The following GMDS variants were observed in gnomAD, a reference collection of about 807,000 sequenced individuals.
GMDS encodes GDP-mannose 4,6 dehydratase.
In GMDS, 20 loss-of-function variants were observed where a neutral mutation model predicts 49.9. The observed-to-expected ratio is 0.40, with a 90% confidence interval of 0.28 to 0.58. The LOEUF (loss-of-function observed/expected upper bound fraction) is 0.58. Ranked by LOEUF, GMDS falls within the 20% of genes least tolerant of loss-of-function variation. The pLI is 0.42. For synonymous variants in GMDS, 177 were observed against 178.6 expected (o/e 0.99, Z 0.07); for missense variants, 362 against 481.4 (o/e 0.75, Z 2.32).
chr6:1,802,954 A>G (rs1322524401), intron 7 of GMDS, among the ~76,000 whole-genome samples: 1 of 152,232 alleles, frequency 6.6e-6, no homozygotes, highest in Non-Finnish European at 1.5e-5. Context: ...AACTGTGCTG[A>G]TCGGAGACTG....
At chr6:2,158,048 C>A (rs1410947788) in intron 1 of GMDS, among the ~76,000 whole-genome samples, 3 of 152,116 alleles carry the variant, frequency 2.0e-5, no homozygotes, top group Admixed American at 2.0e-4. Context: ...CCCCCAAAAC[C>A]ACATCAATAC....
At chr6:2,008,134 T>C (rs1187205117) in intron 4 of GMDS, among the ~76,000 whole-genome samples, 2 of 152,216 alleles carry the variant, frequency 1.3e-5, no homozygotes, top group Non-Finnish European at 2.9e-5. Context: ...CAAAATACTT[T>C]AGAAATAAAA....
intron 1 of GMDS, among the ~76,000 whole-genome samples, chr6:2,158,589 C>T (rs1294870470): frequency 3.3e-5 from 5 of 152,174 alleles, no homozygotes; most frequent in Admixed American, 3.3e-4. Context: ...CAGTAAGAAT[C>T]ACAAATCAAA....
chr6:1,981,792 G>T (rs567245174), intron 4 of GMDS, among the ~76,000 whole-genome samples: 2 of 152,100 alleles, frequency 1.3e-5, no homozygotes, highest in Non-Finnish European at 2.9e-5. Context: ...CTGGCAAACC[G>T]AATCTGGCAG....
chr6:1,853,381 G>A (rs1164221705), intron 7 of GMDS, among the ~76,000 whole-genome samples: 2 of 150,436 alleles, frequency 1.3e-5, no homozygotes, highest in African/African-American at 2.5e-5. Flanking sequence ...AGCCGGGCGT[G>A]GTAGCGGGCG....
At chr6:1,868,201 G>A (rs549821975) in intron 7 of GMDS, among the ~76,000 whole-genome samples, 1 of 152,078 alleles carries the variant, frequency 6.6e-6, no homozygotes, top group African/African-American at 2.4e-5. Flanking sequence ...TGGCCAGGCT[G>A]GTCTCGAACT....
intron 6 of GMDS, among the ~76,000 whole-genome samples, chr6:1,955,011 T>A (rs1309928738): frequency 6.6e-6 from 1 of 151,874 alleles, no homozygotes; most frequent in Non-Finnish European, 1.5e-5. Context: ...GTAACAGATA[T>A]AATAATAATC....
rs1451357734 is a variant in GMDS at position 1,735,069 on chromosome 6, G to C, written c.890+7399C>G. Reference sequence around the variant, plus strand: ...CATATTAGCCACCCCCAGTGGATAAGGATGGAGCTTCTGCTGTGTGGGGGA... The same window carrying C: ...CATATTAGCCACCCCCAGTGGATAACGATGGAGCTTCTGCTGTGTGGGGGA... On this transcript the variant is annotated intron_variant, in intron 8 of 10. Transcript: ENST00000380815. 5.3e-5 allele frequency among the ~76,000 whole-genome samples: 8 copies of C among 152,338 alleles called. 1 individual carries two copies. The highest frequency in any genetic ancestry group is 5.2e-4 in the Admixed American group (8 of 15,308).
intron 7 of GMDS, among the ~76,000 whole-genome samples, chr6:1,786,799 G>GTT (rs35301662): frequency 0.016 from 2,363 of 149,392 alleles, 57 homozygotes; most frequent in African/African-American, 0.053. Context: ...GTAATTTGTG[G>GTT]TTTTTTTTTT....
At chr6:2,056,783 A>G (rs546336702) in intron 4 of GMDS, among the ~76,000 whole-genome samples, 18 of 152,278 alleles carry the variant, frequency 1.2e-4, no homozygotes, top group Non-Finnish European at 2.2e-4. Context: ...TTTTTTTTCC[A>G]TTGGTATACT....
chr6:2,150,034 C>A (rs1776769949), intron 1 of GMDS, among the ~76,000 whole-genome samples: 1 of 152,194 alleles, frequency 6.6e-6, no homozygotes, highest in South Asian at 2.1e-4. Flanking sequence ...TAACAATATG[C>A]TCAAGGCAAA....
chr6:1,645,302 C>T (rs1320105956), intron 9 of GMDS, among the ~76,000 whole-genome samples: 1 of 152,224 alleles, frequency 6.6e-6, no homozygotes, highest in Non-Finnish European at 1.5e-5. Context: ...CCCCCATGGG[C>T]AGAGAATCTA....
At chr6:2,226,499 C>T (rs1234928634) in intron 1 of GMDS, among the ~76,000 whole-genome samples, 1 of 152,056 alleles carries the variant, frequency 6.6e-6, no homozygotes. Context: ...ATATCATTAA[C>T]AAAAGTTAAT....
intron 9 of GMDS, 42 bp from the exon 10 acceptor site, chr6:1,624,582 G>A: frequency 7.0e-7 from 1 of 1,426,098 alleles, no homozygotes. Context: ...GTGGGTCGTG[G>A]GGGTGGGGGC....
intron 9 of GMDS, among the ~76,000 whole-genome samples, chr6:1,675,719 G>C (rs1339188571): frequency 6.6e-6 from 1 of 152,042 alleles, no homozygotes; most frequent in Non-Finnish European, 1.5e-5. Flanking sequence ...CGGGTGTGAT[G>C]GCAGGTGCCT....
chr6:2,208,374 T>C (rs1050426465), intron 1 of GMDS, among the ~76,000 whole-genome samples: 1 of 152,218 alleles, frequency 6.6e-6, no homozygotes, highest in African/African-American at 2.4e-5. Context: ...GTTTTACAGA[T>C]GACACAATTG....
intron 9 of GMDS, among the ~76,000 whole-genome samples, chr6:1,654,751 C>G (rs1219071034): frequency 6.6e-6 from 1 of 152,066 alleles, no homozygotes; most frequent in Non-Finnish European, 1.5e-5. Flanking sequence ...TTTATGTGTA[C>G]TTTACCATTA....
At chr6:1,724,712 T>C (rs1051878537) in intron 9 of GMDS, among the ~76,000 whole-genome samples, 1 of 151,878 alleles carries the variant, frequency 6.6e-6, no homozygotes, top group African/African-American at 2.4e-5. Flanking sequence ...GGCCAGAGAG[T>C]CAAATGGCAG....
In GMDS at chr6:1,990,123, C is replaced by T. The variant is rs139907430; in HGVS notation, c.346-29157G>A. Among the ~76,000 whole-genome samples the T allele has an allele frequency of 6.5e-3, 997 of 152,214 alleles. 10 individuals carry two copies. The highest frequency in any genetic ancestry group is 0.022 in the African/African-American group (934 of 41,542). ...CATCTTGGCTAATACAGTGAAACCCCGTCTCTACTAAAAATATAAAAAATT... is the reference window on the plus strand; with the variant it reads ...CATCTTGGCTAATACAGTGAAACCCTGTCTCTACTAAAAATATAAAAAATT... On this transcript the variant is annotated intron_variant, in intron 4 of 10. Coordinates refer to ENST00000380815, the MANE Select transcript of GMDS (RefSeq NM_001500.4).
Sources: gnomAD v4.1 joint callset for allele counts (sites outside exome capture counted in the v4.1 genomes callset) on GRCh38, gnomAD v4.1.1 for gene constraint, MANE v1.5 for transcripts, NCBI Gene and HGNC (gene_info 2026-07-23, HGNC 2026-07-21) for gene names.